MATN2: variants seen among roughly 807,000 people sequenced by gnomAD.
MATN2 encodes the protein matrilin-2.
MATN2 carries 69 observed loss-of-function variants against 103.2 expected under a neutral mutation model. The ratio of observed to expected loss-of-function variants is 0.67; its 90% CI spans 0.55 to 0.82. The LOEUF (loss-of-function observed/expected upper bound fraction) is 0.82. Among genes scored for constraint, MATN2 ranks in the 40% least tolerant of loss-of-function variants. The probability of loss-of-function intolerance (pLI) is 0.00; values close to 1 mark genes in which losing one functional copy is unlikely to be tolerated. For synonymous variants in MATN2, 429 were observed against 450.2 expected (o/e 0.95, Z 0.60); for missense variants, 1,023 against 1,211.5 (o/e 0.84, Z 2.31).
intron 4 of MATN2, 87 bp downstream of exon 4, chr8:97,941,986 G>A (rs1810584157): frequency 1.3e-6 from 2 of 1,506,852 alleles, no homozygotes; most frequent in African/African-American, 2.8e-5. Context: ...TTATTCATCT[G>A]TGATGCCTCA....
At chr8:98,010,229 C>T (rs1487669811) in intron 10 of MATN2, among the ~76,000 whole-genome samples, 1 of 152,120 alleles carries the variant, frequency 6.6e-6, no homozygotes, top group African/African-American at 2.4e-5. Context: ...CATGGGTAAC[C>T]TCCTCTCCCA....
intron 2 of MATN2, among the ~76,000 whole-genome samples, chr8:97,897,193 G>T (rs1189073459): frequency 6.6e-6 from 1 of 152,216 alleles, no homozygotes; most frequent in Non-Finnish European, 1.5e-5. Flanking sequence ...CTGATAAGTG[G>T]TATTCCTGGA....
At chr8:98,002,839 A>C (rs1211534708) in intron 7 of MATN2, among the ~76,000 whole-genome samples, 1 of 152,124 alleles carries the variant, frequency 6.6e-6, no homozygotes, top group Admixed American at 6.5e-5. Context: ...CCTCTACTGC[A>C]AAGTCTTCTT....
chr8:97,891,617 C>T (rs550877329), intron 2 of MATN2, among the ~76,000 whole-genome samples: 14 of 152,124 alleles, frequency 9.2e-5, no homozygotes, highest in East Asian at 5.8e-4. Context: ...GGATTCTAGG[C>T]GTGAGCCACT....
chr8:97,914,033 T>C (rs770813017), intron 2 of MATN2, among the ~76,000 whole-genome samples: 8 of 152,212 alleles, frequency 5.3e-5, no homozygotes, highest in Non-Finnish European at 1.2e-4. Flanking sequence ...CTGAAAGTCC[T>C]TTGGGATTAA....
At position 97,931,560 on chromosome 8, in the gene MATN2, A is replaced by T; in HGVS notation, c.712+38A>T. ...CCTTTGTCACTCTTCTAGAGGAACC[A>T]CTAGAATTCATTCATTCATCTTCAA... On this transcript the variant is annotated intron_variant, in intron 3 of 18. Transcript: ENST00000254898. The surrounding 1 kb of genome is among the most constrained non-coding windows in gnomAD (Gnocchi z 4.1). The T allele has an allele frequency of 1.3e-6, 2 of 1,498,800 alleles. No individual in the cohort carries two copies. The highest frequency in any genetic ancestry group is 1.8e-6 in the Non-Finnish European group (2 of 1,109,910). 92.8% of individuals were successfully genotyped at this position (1,498,800 alleles called of 1,614,324 possible).
At chr8:98,001,667 G>A (rs561064787) in intron 7 of MATN2, among the ~76,000 whole-genome samples, 1 of 152,004 alleles carries the variant, frequency 6.6e-6, no homozygotes, top group African/African-American at 2.4e-5. Context: ...TAGTAGAGGT[G>A]GGGTTTCACC....
Position 98,033,549 on chromosome 8 carries a change from C to T in MATN2, c.2717-12C>T. 6.6e-7 allele frequency: 1 copy of T among 1,507,228 alleles called. No individual in the cohort carries two copies. The highest frequency in any genetic ancestry group is 9.1e-7 in the Non-Finnish European group (1 of 1,102,332). The allele number at this position is 1,507,228 out of a possible 1,614,324, so 93.4% of individuals were successfully genotyped here. A position where few individuals can be genotyped will look rare whatever the true frequency, so the allele number is the denominator to read the frequency against. ...GATTCTAGAGGTGAACACTTTCCAT[C>T]TGCTTTCTCAGGAAGCCCTTTGGAA... On this transcript the variant is annotated splice_polypyrimidine_tract_variant and intron_variant, in intron 17 of 18. Transcript: ENST00000254898.
At position 98,016,154 on chromosome 8, in the gene MATN2, G is replaced by A. The variant is rs545691740; in HGVS notation, c.1574-386G>A. ...TGCTCACTTTGGGAGTCCGAGGTGG[G>A]TGGATTGCTTGAGCCCAGGAATTCG... On this transcript the variant is annotated intron_variant, in intron 10 of 18. Transcript: ENST00000254898. 2.4e-4 allele frequency among the ~76,000 whole-genome samples: 36 copies of A among 152,238 alleles called. No homozygotes were observed. In the South Asian group the frequency reaches 3.3e-3, roughly 14 times the overall value.
intron 15 of MATN2, among the ~76,000 whole-genome samples, chr8:98,031,196 G>T (rs1446365444): frequency 6.6e-6 from 1 of 152,132 alleles, no homozygotes; most frequent in South Asian, 2.1e-4. Flanking sequence ...CAATTAGCTA[G>T]GCATGATGGC....
At chr8:97,921,671 C>T (rs1429691474) in intron 2 of MATN2, among the ~76,000 whole-genome samples, 2 of 152,234 alleles carry the variant, frequency 1.3e-5, no homozygotes, top group Admixed American at 1.3e-4. Context: ...GGGACAGAAG[C>T]ACCTGAGGAG....
chr8:97,879,702 T>A (rs1403193715), intron 1 of MATN2, among the ~76,000 whole-genome samples: 1 of 152,210 alleles, frequency 6.6e-6, no homozygotes, highest in Non-Finnish European at 1.5e-5. Context: ...GGGGTTAGCA[T>A]GACCATGAAA....
intron 12 of MATN2, among the ~76,000 whole-genome samples, chr8:98,018,323 T>C (rs557627559): frequency 6.6e-6 from 1 of 152,226 alleles, no homozygotes; most frequent in African/African-American, 2.4e-5. Context: ...GAGTTTTGGG[T>C]TCTTTGCTTC....
Position 97,982,670 on chromosome 8 carries a change from T to TA in MATN2, c.1081+3663dup. ...CATGAACCAGTACTATAATTTGAAA[T>TA]ATGTAAGTGGTGTTCAAAAAAGCAC... On this transcript the variant is annotated intron_variant, in intron 6 of 18. Coordinates refer to ENST00000254898, the MANE Select transcript of MATN2 (RefSeq NM_002380.5). This position sits in a 1 kb window ranked among gnomAD's most constrained non-coding sequence, Gnocchi z 4.3. 6.6e-6 allele frequency among the ~76,000 whole-genome samples: 1 copy of TA among 152,338 alleles called. No individual in the cohort carries two copies. Among genetic ancestry groups the TA allele is most frequent in the Admixed American group, 6.5e-5 (1 of 15,308 alleles).
rs757852161 is a variant in MATN2, at chr8:98,003,731, C to T, written c.1275C>T (p.Tyr425=). Residue 425 remains tyrosine (Y), a synonymous_variant, in exon 8 of 19, where the codon TAC becomes TAT. Coordinates refer to ENST00000254898, the MANE Select transcript of MATN2 (RefSeq NM_002380.5). ...GCGTCAACATGGAGGAGAGCTACTA[C>T]TGCCGCTGCCACCGTGGCTACACTC... ...HECVNMEESY[Y]CRCHRGYTLD... 6.2e-7 allele frequency: 1 copy of T among 1,613,674 alleles called. No individual in the cohort carries two copies. Among genetic ancestry groups the T allele is most frequent in the Non-Finnish European group, 8.5e-7 (1 of 1,179,770 alleles).
intron 5 of MATN2, among the ~76,000 whole-genome samples, chr8:97,967,629 G>A (rs1811525868): frequency 6.6e-6 from 1 of 152,240 alleles, no homozygotes; most frequent in South Asian, 2.1e-4. Flanking sequence ...TCCATGTCCT[G>A]CATCCAAGGC....
At chr8:97,900,449 T>C (rs553723987) in intron 2 of MATN2, among the ~76,000 whole-genome samples, 2 of 152,256 alleles carry the variant, frequency 1.3e-5, no homozygotes, top group South Asian at 2.1e-4. Flanking sequence ...AGAAGTCCCA[T>C]GGGGGATGAG....
chr8:97,884,310 T>C (rs373290368), intron 1 of MATN2, among the ~76,000 whole-genome samples: 1 of 152,012 alleles, frequency 6.6e-6, no homozygotes, highest in East Asian at 2.0e-4. Flanking sequence ...CCAGCTAATT[T>C]TGTATTTTTA....
At chr8:98,003,874 C>A in intron 8 of MATN2, 91 bp downstream of exon 8, 1 of 1,471,902 alleles carries the variant, frequency 6.8e-7, no homozygotes, top group African/African-American at 1.4e-5. Context: ...ATTTCTGGAG[C>A]CCACCGGGTT....
Sources: gnomAD v4.1 joint callset for allele counts (sites outside exome capture counted in the v4.1 genomes callset) on GRCh38, gnomAD v4.1.1 for gene constraint, Gnocchi (gnomAD v3.1) non-coding constraint, MANE v1.5 for transcripts, NCBI Gene and HGNC (gene_info 2026-07-23, HGNC 2026-07-21) for gene names.